BTBD9: variants seen among roughly 807,000 people sequenced by gnomAD.
The protein encoded by BTBD9 is BTB/POZ domain-containing protein 9.
A neutral mutation model predicts 64.3 loss-of-function variants in BTBD9; 49 were observed. The observed-to-expected ratio is 0.76, with a 90% CI of 0.61 to 0.97. BTBD9 has a LOEUF of 0.97. Among genes scored for constraint, BTBD9 ranks in the 50% least tolerant of loss-of-function variants. BTBD9 has a pLI of 0.00. For synonymous variants in BTBD9, 260 were observed against 274.7 expected, an observed-to-expected ratio of 0.95 and a Z score of 0.53; for missense variants, 598 against 762.1, an observed-to-expected ratio of 0.78 and a Z score of 2.53.
chr6:38,215,194 T>G (rs573132418), intron 9 of BTBD9, among the ~76,000 whole-genome samples: 1 of 152,128 alleles, frequency 6.6e-6, no homozygotes, highest in African/African-American at 2.4e-5. Flanking sequence ...TGCAATAAAT[T>G]TGTCATCATT....
chr6:38,354,312 G>A (rs1200346776), intron 6 of BTBD9, among the ~76,000 whole-genome samples: 4 of 152,120 alleles, frequency 2.6e-5, no homozygotes, highest in Non-Finnish European at 4.4e-5. Flanking sequence ...TGTACAAACA[G>A]CATCTGCAGG....
intron 8 of BTBD9, among the ~76,000 whole-genome samples, chr6:38,266,973 A>G (rs1765032914): frequency 6.6e-6 from 1 of 152,222 alleles, no homozygotes; most frequent in African/African-American, 2.4e-5. Context: ...GGCATCACCA[A>G]TTCCCCTCTC....
intron 1 of BTBD9, among the ~76,000 whole-genome samples, chr6:38,618,131 T>C (rs940215436): frequency 2.0e-5 from 3 of 152,222 alleles, no homozygotes; most frequent in African/African-American, 7.2e-5. Flanking sequence ...GGACGGTTTT[T>C]CCTTTCAGAT....
At chr6:38,571,445 ATC>A (rs1202628353) in intron 6 of BTBD9, among the ~76,000 whole-genome samples, 1 of 152,160 alleles carries the variant, frequency 6.6e-6, no homozygotes, top group Non-Finnish European at 1.5e-5. Context: ...AAGTACTATA[ATC>A]TAATGAGAAT....
At chr6:38,612,176 T>C (rs1048079288) in intron 1 of BTBD9, among the ~76,000 whole-genome samples, 5 of 152,236 alleles carry the variant, frequency 3.3e-5, no homozygotes, top group Admixed American at 3.3e-4. Context: ...TACACTTCTA[T>C]GTTATTTAGT....
intron 7 of BTBD9, among the ~76,000 whole-genome samples, chr6:38,294,066 A>C (rs1195302274): frequency 6.6e-6 from 1 of 152,258 alleles, no homozygotes; most frequent in African/African-American, 2.4e-5. Flanking sequence ...ACGTATGAAA[A>C]AAAGCTCAAC....
At position 38,384,885 on chromosome 6, in the gene BTBD9, C is replaced by T. The variant is rs1025768975; in HGVS notation, c.1155-39792G>A. Among the ~76,000 whole-genome samples the T allele has an allele frequency of 4.6e-5, 7 of 152,038 alleles. No homozygotes were observed. The South Asian group carries it at 8.3e-4, about 18-fold the overall frequency. ...AATAACAACATGGGGAAAGCAAGTT[C>T]TGTCCAGTGTTAGTGTAGGAATATA... On this transcript the variant is annotated intron_variant, in intron 6 of 10. Transcript: ENST00000481247.
At chr6:38,549,081 AATAT>A (rs886715392) in intron 6 of BTBD9, among the ~76,000 whole-genome samples, 1 of 152,202 alleles carries the variant, frequency 6.6e-6, no homozygotes, top group Admixed American at 6.5e-5. Context: ...AGAAGTTCAC[AATAT>A]TTTTTAAAAG....
chr6:38,462,161 G>C (rs1770117891), intron 6 of BTBD9, among the ~76,000 whole-genome samples: 1 of 152,090 alleles, frequency 6.6e-6, no homozygotes, highest in South Asian at 2.1e-4. Context: ...TTTTACATTT[G>C]AAGTCCAGTT....
chr6:38,192,325 C>T (rs545537229), intron 10 of BTBD9, among the ~76,000 whole-genome samples, 194 bp downstream of exon 10: 1 of 152,324 alleles, frequency 6.6e-6, no homozygotes, highest in South Asian at 2.1e-4. Context: ...GGCTGGCTTT[C>T]ATTTGCTAAT....
intron 9 of BTBD9, among the ~76,000 whole-genome samples, chr6:38,236,386 T>C (rs1244411637): frequency 9.2e-5 from 14 of 152,198 alleles, no homozygotes; most frequent in African/African-American, 3.4e-4. Flanking sequence ...TGTGACATCA[T>C]TTCAAACCAT....
chr6:38,263,215 A>G (rs1764853119), intron 8 of BTBD9, among the ~76,000 whole-genome samples: 1 of 152,246 alleles, frequency 6.6e-6, no homozygotes, highest in Non-Finnish European at 1.5e-5. Flanking sequence ...CTTCCATTCA[A>G]CAATTCAAAA....
At chr6:38,187,955 A>G (rs9470820) in intron 10 of BTBD9, among the ~76,000 whole-genome samples, 102,461 of 151,490 alleles carry the variant, frequency 0.68, 35,792 homozygotes, top group Non-Finnish European at 0.74. Flanking sequence ...GGCCACTGTC[A>G]CCTGAGAGCT....
intron 6 of BTBD9, among the ~76,000 whole-genome samples, chr6:38,434,675 T>C (rs766289229): frequency 2.6e-5 from 4 of 152,016 alleles, no homozygotes; most frequent in Non-Finnish European, 4.4e-5. Context: ...AGTTTGACTC[T>C]TTTTGTCAAC....
intron 6 of BTBD9, among the ~76,000 whole-genome samples, chr6:38,526,867 AG>A (rs2127425101): frequency 6.6e-6 from 1 of 152,342 alleles, no homozygotes; most frequent in East Asian, 1.9e-4. Context: ...CATGGGCAGA[AG>A]GGGCTTGCCC....
chr6:38,490,038 C>G (rs1271309594), intron 6 of BTBD9, among the ~76,000 whole-genome samples: 1 of 152,108 alleles, frequency 6.6e-6, no homozygotes, highest in Non-Finnish European at 1.5e-5. Flanking sequence ...GATGATCTAC[C>G]GAAGCTGGCT....
intron 9 of BTBD9, among the ~76,000 whole-genome samples, chr6:38,222,053 T>G (rs976540797): frequency 6.6e-6 from 1 of 151,998 alleles, no homozygotes; most frequent in Non-Finnish European, 1.5e-5. Flanking sequence ...CAAATATCCC[T>G]ACAGGGTAGG....
intron 6 of BTBD9, among the ~76,000 whole-genome samples, chr6:38,540,146 G>A (rs1582600793): frequency 6.6e-6 from 1 of 152,150 alleles, no homozygotes; most frequent in Non-Finnish European, 1.5e-5. Context: ...GGGCACAGGC[G>A]CCAAAAAGGC....
intron 9 of BTBD9, among the ~76,000 whole-genome samples, chr6:38,225,887 T>C (rs952900165): frequency 3.3e-5 from 5 of 152,234 alleles, no homozygotes; most frequent in Non-Finnish European, 7.3e-5. Flanking sequence ...CATCAATTTA[T>C]TTAAGGCAGA....
Sources: allele counts gnomAD v4.1 joint callset (sites outside exome capture counted in the v4.1 genomes callset), GRCh38; gene constraint gnomAD v4.1.1; transcripts MANE v1.5; gene names NCBI Gene and HGNC (gene_info 2026-07-23, HGNC 2026-07-21).